The following ASIC2 variants were observed in gnomAD, a reference collection of about 807,000 sequenced individuals.
ASIC2 encodes acid sensing ion channel subunit 2.
A neutral mutation model predicts 57.3 loss-of-function variants in ASIC2; 25 were observed. The ratio of observed to expected loss-of-function variants is 0.44; its 90% CI spans 0.32 to 0.61. The LOEUF is 0.61. Ranked by LOEUF, ASIC2 falls within the 20% of genes least tolerant of loss-of-function variation. ASIC2 has a pLI of 0.06. For synonymous variants in ASIC2, 319 were observed against 307.5 expected (o/e 1.04, Z -0.39); for missense variants, 641 against 738.1 (o/e 0.87, Z 1.52).
chr17:33,627,256 C>A (rs539581644), intron 1 of ASIC2: 1 of 152,224 alleles, frequency 6.6e-6, no homozygotes. Flanking sequence ...CTGGAGCAAC[C>A]ATTTCACTGG....
intron 1 of ASIC2, among the ~76,000 whole-genome samples, chr17:33,557,561 G>T (rs1274916748): frequency 6.6e-6 from 1 of 152,182 alleles, no homozygotes; most frequent in East Asian, 1.9e-4. Context: ...GAACCATTCT[G>T]CATTGGTGGA....
intron 1 of ASIC2, among the ~76,000 whole-genome samples, chr17:34,043,556 T>TA (rs1482662906): frequency 1.3e-5 from 2 of 152,224 alleles, no homozygotes; most frequent in African/African-American, 4.8e-5. Context: ...TTTAGTGCTT[T>TA]AGAATTTATA....
chr17:33,376,826 A>G (rs950617948), intron 1 of ASIC2, among the ~76,000 whole-genome samples: 1 of 151,932 alleles, frequency 6.6e-6, no homozygotes, highest in African/African-American at 2.4e-5. Context: ...TCATCATCTC[A>G]TGTAGCGGTT....
intron 1 of ASIC2, among the ~76,000 whole-genome samples, chr17:33,945,639 T>C (rs1904352322): frequency 1.3e-5 from 2 of 152,118 alleles, no homozygotes; most frequent in Non-Finnish European, 1.5e-5. Context: ...TGCATATGGC[T>C]TCTGTGTCAG....
At chr17:33,809,352 C>T (rs1912356204) in intron 1 of ASIC2, among the ~76,000 whole-genome samples, 1 of 152,234 alleles carries the variant, frequency 6.6e-6, no homozygotes, top group Non-Finnish European at 1.5e-5. Flanking sequence ...GTGGTTGCTT[C>T]AGGACCTGCC....
chr17:34,099,702 GGAA>G, intron 1 of ASIC2, among the ~76,000 whole-genome samples: 1 of 125,884 alleles, frequency 7.9e-6, no homozygotes, highest in Non-Finnish European at 1.7e-5. Flanking sequence ...AAGAAAGAAA[GGAA>G]AAAAGAAAGA....
At chr17:33,120,289 C>G (rs756217044) in intron 1 of ASIC2, among the ~76,000 whole-genome samples, 1 of 152,196 alleles carries the variant, frequency 6.6e-6, no homozygotes, top group Admixed American at 6.5e-5. Flanking sequence ...GAAGCACAGC[C>G]GGGGCCTTTT....
intron 1 of ASIC2, among the ~76,000 whole-genome samples, chr17:33,323,765 T>A (rs1209118485): frequency 2.0e-5 from 3 of 152,184 alleles, no homozygotes; most frequent in African/African-American, 4.8e-5. Context: ...AAAGTGTGTG[T>A]ACTATATGAT....
chr17:34,052,418 C>T (rs1203412196), intron 1 of ASIC2, among the ~76,000 whole-genome samples: 1 of 152,058 alleles, frequency 6.6e-6, no homozygotes, highest in African/African-American at 2.4e-5. Context: ...ATCCCATCTC[C>T]GAAAAGACTG....
chr17:33,234,085 C>T (rs1267499904), intron 1 of ASIC2, among the ~76,000 whole-genome samples: 1 of 152,240 alleles, frequency 6.6e-6, no homozygotes, highest in African/African-American at 2.4e-5. Context: ...TTCTCTAAGG[C>T]TGAGACAACC....
intron 1 of ASIC2, among the ~76,000 whole-genome samples, chr17:33,462,632 A>C (rs78640055): frequency 0.011 from 1,739 of 152,306 alleles, 58 homozygotes; most frequent in East Asian, 0.1. Context: ...ATAGCTGACC[A>C]CCTTCAGGCT....
chr17:33,561,129 G>C (rs1255575921), intron 1 of ASIC2, among the ~76,000 whole-genome samples: 3 of 152,146 alleles, frequency 2.0e-5, no homozygotes. Context: ...TCTCATTTCA[G>C]AAATGAGAAT....
chr17:33,394,622 G>C (rs1910011343), intron 1 of ASIC2, among the ~76,000 whole-genome samples: 1 of 152,262 alleles, frequency 6.6e-6, no homozygotes, highest in African/African-American at 2.4e-5. Flanking sequence ...CCAGAGACAG[G>C]GCTGGGACTA....
chr17:33,649,088 G>A (rs1174345648), intron 1 of ASIC2, among the ~76,000 whole-genome samples: 1 of 152,066 alleles, frequency 6.6e-6, no homozygotes, highest in Non-Finnish European at 1.5e-5. Flanking sequence ...GAAAATAAAA[G>A]GCATACATGT....
At chr17:33,329,335 T>C (rs969265939) in intron 1 of ASIC2, among the ~76,000 whole-genome samples, 1 of 152,174 alleles carries the variant, frequency 6.6e-6, no homozygotes, top group Non-Finnish European at 1.5e-5. Flanking sequence ...TAGCCATTAG[T>C]GTGATTAGAC....
chr17:34,129,606 C>T lies in ASIC2; in HGVS notation c.555+26372G>A, dbSNP rs191519979. On this transcript the variant is annotated intron_variant, in intron 1 of 9. Transcript: ENST00000359872. ...AGAATAAACATCACTGCCTATAGTA[C>T]CCCCTCATGGAGACTCACAGTACCT... 2.0e-3 allele frequency among the ~76,000 whole-genome samples: 300 copies of T among 152,308 alleles called. 1 individual carries two copies. Among genetic ancestry groups the T allele is most frequent in the African/African-American group, 7.0e-3 (290 of 41,568 alleles).
intron 1 of ASIC2, among the ~76,000 whole-genome samples, chr17:33,460,662 A>C (rs147404234): frequency 1.5e-4 from 23 of 152,344 alleles, no homozygotes; most frequent in African/African-American, 4.6e-4. Context: ...GTAGGAGCTA[A>C]TATTTACAGA....
At position 33,307,556 on chromosome 17, in the gene ASIC2, C is replaced by T. The variant is rs533640254; in HGVS notation, c.556-195489G>A. On this transcript the variant is annotated intron_variant, in intron 1 of 9. Transcript: ENST00000359872. ...AACTCCTGACTTCAGGTGATCCACC[C>T]GCCTCAGCCTCCCAAAGTGCTGGGA... Among the ~76,000 whole-genome samples the T allele has an allele frequency of 4.6e-4, 70 of 152,282 alleles. 2 individuals are homozygous for T. In the South Asian group the frequency reaches 0.011, roughly 24 times the overall value.
intron 1 of ASIC2, among the ~76,000 whole-genome samples, chr17:33,469,883 G>A (rs923599434): frequency 3.3e-5 from 5 of 152,186 alleles, no homozygotes; most frequent in African/African-American, 1.2e-4. Flanking sequence ...CTAAGGTATT[G>A]TGGACCTACA....
Sources: allele counts gnomAD v4.1 joint callset (sites outside exome capture counted in the v4.1 genomes callset), GRCh38; gene constraint gnomAD v4.1.1; transcripts MANE v1.5; gene names NCBI Gene and HGNC (gene_info 2026-07-23, HGNC 2026-07-21).